The following PARP4 variants were observed in gnomAD, a reference collection of about 807,000 sequenced individuals.
The protein encoded by PARP4 is poly(ADP-ribose) polymerase family member 4.
A neutral mutation model predicts 187.7 loss-of-function variants in PARP4; 120 were observed. That is an observed-to-expected ratio of 0.64 (90% CI 0.55 to 0.74). The LOEUF (loss-of-function observed/expected upper bound fraction) is 0.74, where lower values mean the gene tolerates loss of function less well. Among genes scored for constraint, PARP4 ranks in the 30% least tolerant of loss-of-function variants. The pLI, the probability that PARP4 is intolerant of heterozygous loss-of-function variation, is 0.00. For missense variants in PARP4, 1,836 were observed against 2,070.5 expected, an observed-to-expected ratio of 0.89 and a Z score of 2.20; for synonymous variants, 654 against 740.9, an observed-to-expected ratio of 0.88 and a Z score of 1.90.
chr13:24,430,717 T>A (rs1290571911), intron 32 of PARP4, among the ~76,000 whole-genome samples: 1 of 152,092 alleles, frequency 6.6e-6, no homozygotes, highest in Non-Finnish European at 1.5e-5. Flanking sequence ...AACCACTTGC[T>A]GGGTCAAGGA....
chr13:24,438,299 C>T (rs549700112), intron 30 of PARP4, among the ~76,000 whole-genome samples: 2 of 152,242 alleles, frequency 1.3e-5, no homozygotes, highest in Admixed American at 6.5e-5. Flanking sequence ...ACAACAGGTT[C>T]GGGGCTCCCA....
At position 24,449,751 on chromosome 13, in the gene PARP4, A is replaced by G. The variant is rs745886442; in HGVS notation, c.3081T>C (p.Phe1027=). 2.1e-5 allele frequency: 34 copies of G among 1,608,658 alleles called. No individual in the cohort carries two copies. The highest frequency in any genetic ancestry group is 2.7e-5 in the Non-Finnish European group (32 of 1,175,948). Residue 1027 remains phenylalanine, a synonymous_variant, in exon 25 of 34, where the codon TTT becomes TTC. Coordinates refer to ENST00000381989, the MANE Select transcript of PARP4 (RefSeq NM_006437.4). Reference sequence around the variant, plus strand: ...TCCAACTATGCTTGGATTTTGCATTAAAATATTCAAATACTCCGGCACCAC... The same window carrying G: ...TCCAACTATGCTTGGATTTTGCATTGAAATATTCAAATACTCCGGCACCAC... ...SQCGAGVFEY[F]NAKSKHSWRK...
At chr13:24,453,719 A>C in intron 22 of PARP4, 65 bp from the exon 23 acceptor site, 1 of 863,494 alleles carries the variant, frequency 1.2e-6, no homozygotes, top group Non-Finnish European at 2.0e-6. Context: ...ACTAACAAAC[A>C]ATAATGTTAT....
intron 33 of PARP4, among the ~76,000 whole-genome samples, chr13:24,426,063 TAC>T (rs1870034924): frequency 6.6e-6 from 1 of 152,252 alleles, no homozygotes; most frequent in South Asian, 2.1e-4. Context: ...TGTTATAAAC[TAC>T]AAAGTTATAA....
intron 9 of PARP4, among the ~76,000 whole-genome samples, chr13:24,491,549 T>A (rs190779612): frequency 1.9e-4 from 29 of 152,352 alleles, no homozygotes; most frequent in African/African-American, 6.5e-4. Context: ...TTGAAAGCGA[T>A]TATTTCCCAA....
intron 30 of PARP4, among the ~76,000 whole-genome samples, chr13:24,440,974 G>C (rs890293187): frequency 6.6e-6 from 1 of 152,086 alleles, no homozygotes; most frequent in Non-Finnish European, 1.5e-5. Flanking sequence ...CTAGGTGCAA[G>C]CATCCTCCTG....
intron 17 of PARP4, among the ~76,000 whole-genome samples, chr13:24,463,384 G>C (rs567940437): frequency 6.6e-6 from 1 of 151,770 alleles, no homozygotes; most frequent in African/African-American, 2.4e-5. Flanking sequence ...AGAAAATAAA[G>C]AAAACTCTTC....
Position 24,420,964 on chromosome 13 carries a change from T to C in PARP4, c.*155A>G, listed in dbSNP as rs1381220308. On this transcript the variant is annotated 3_prime_UTR_variant, in exon 34 of 34. Coordinates refer to ENST00000381989, the MANE Select transcript of PARP4 (RefSeq NM_006437.4). Reference sequence around the variant, plus strand: ...GTTTCATTTTATTATTGCTTGTTAGTTGATTAAAGTAATTCTTCTTCCACT... The same window carrying C: ...GTTTCATTTTATTATTGCTTGTTAGCTGATTAAAGTAATTCTTCTTCCACT... The C allele has an allele frequency of 3.3e-6, 3 of 908,796 alleles. No homozygotes were observed. The highest frequency in any genetic ancestry group is 3.5e-5 in the African/African-American group (2 of 57,760). The allele number at this position is 908,796 out of a possible 1,614,324, so 56.3% of individuals were successfully genotyped here.
At chr13:24,497,157 T>G (rs1281640287) in intron 6 of PARP4, among the ~76,000 whole-genome samples, 1 of 152,196 alleles carries the variant, frequency 6.6e-6, no homozygotes, top group Non-Finnish European at 1.5e-5. Context: ...CATGATTGTT[T>G]TAGATTGGAA....
chr13:24,431,529 A>C, intron 31 of PARP4, 53 bp from the exon 32 acceptor site: 2 of 1,177,166 alleles, frequency 1.7e-6, no homozygotes, highest in South Asian at 1.3e-5. Flanking sequence ...TTTATCACAT[A>C]AGAAGTTACG....
At position 24,499,158 on chromosome 13, in the gene PARP4, C is replaced by T. The variant is rs559902036; in HGVS notation, c.477+143G>A. The T allele has an allele frequency of 9.9e-5, 77 of 776,656 alleles. No individual in the cohort carries two copies. The African/African-American group carries it at 1.3e-3, about 13-fold the overall frequency. 48.1% of individuals were successfully genotyped at this position (776,656 alleles called of 1,614,324 possible). A position where few individuals can be genotyped will look rare whatever the true frequency, so the allele number is the denominator to read the frequency against. On this transcript the variant is annotated intron_variant, in intron 5 of 33. Coordinates refer to ENST00000381989, the MANE Select transcript of PARP4 (RefSeq NM_006437.4). ...AATAAATATATAAATAAAATTAACT[C>T]ATATTTTAAGGACTATATGATATTC... is the stretch of plus-strand genomic sequence containing the variant.
At chr13:24,462,347 G>A (rs1291208261) in intron 17 of PARP4, among the ~76,000 whole-genome samples, 1 of 152,120 alleles carries the variant, frequency 6.6e-6, no homozygotes, top group Non-Finnish European at 1.5e-5. Flanking sequence ...AATTTGAGAC[G>A]GAGAGTAATA....
chr13:24,503,713 G>A lies in PARP4; in HGVS notation c.64C>T (p.Gln22Ter). 1.2e-6 allele frequency: 2 copies of A among 1,613,700 alleles called. No homozygotes were observed. Among genetic ancestry groups the A allele is most frequent in the Non-Finnish European group, 1.7e-6 (2 of 1,179,658 alleles). The change falls in exon 2 of 34, where the codon CAG (glutamine) becomes TAG (stop). Residue 22 changes from glutamine (Q) to a stop codon, truncating the protein, a stop_gained. Transcript: ENST00000381989. LOFTEE classifies it high-confidence loss of function. ...CLKVKYLPQQQKKKLQTDIKE... is the reference protein window; with the variant it reads ...CLKVKYLPQQ ...ATGTCAGTTTGTAGCTTTTTCTTCT[G>A]CTGCTGAGGTAAGTACTTCACTTTC...
intron 27 of PARP4, among the ~76,000 whole-genome samples, chr13:24,445,539 C>T (rs1315087064): frequency 6.6e-6 from 1 of 152,206 alleles, no homozygotes; most frequent in Non-Finnish European, 1.5e-5. Context: ...TGGGTCAGCA[C>T]TCATGTGCCA....
At chr13:24,439,702 G>A (rs1313709961) in intron 30 of PARP4, among the ~76,000 whole-genome samples, 1 of 152,144 alleles carries the variant, frequency 6.6e-6, no homozygotes, top group African/African-American at 2.4e-5. Context: ...TATAAGATAA[G>A]TATATATTTT....
chr13:24,449,909 G>A (rs924843339), intron 24 of PARP4, 92 bp from the exon 25 acceptor site: 11 of 696,142 alleles, frequency 1.6e-5, no homozygotes, highest in Admixed American at 1.4e-4. Flanking sequence ...CAACTCAATA[G>A]GAGAGACATG....
rs548070615 is a variant in PARP4, at chr13:24,500,289, C to T, written c.401+27G>A. The T allele has an allele frequency of 3.7e-5, 52 of 1,417,838 alleles. No individual in the cohort carries two copies. In the Admixed American group the frequency reaches 6.9e-4, roughly 19 times the overall value. The allele number at this position is 1,417,838 out of a possible 1,614,324, so 87.8% of individuals were successfully genotyped here. On this transcript the variant is annotated intron_variant, in intron 4 of 33. Transcript: ENST00000381989. ...CAAGATTTTACAAACTCTGTAGAGT[C>T]CCAGGAATCAGAAAGAAGTAAATTA...
intron 30 of PARP4, among the ~76,000 whole-genome samples, chr13:24,437,849 C>CAAAAAAAAAAAAAAAAAAAAAAA (rs1216300092): frequency 8.4e-6 from 1 of 118,362 alleles, no homozygotes; most frequent in Non-Finnish European, 1.7e-5. Context: ...GACTCCATCT[C>CAAAAAAAAAAAAAAAAAAAAAAA]AAAAAAAAAA....
Position 24,477,726 on chromosome 13 carries a change from C to T in PARP4, c.1764G>A (p.Glu588=). Residue 588 remains glutamate (E), a synonymous_variant, in exon 14 of 34, where the codon GAG becomes GAA. Transcript: ENST00000381989. The part of the protein sequence containing the change: ...DHTELEEYRP[E]FSNFSKVEDY... ...CTTCAACCTTTGAAAAATTTGAAAA[C>T]TCAGGTCTGTATTCCTCTAATTCAG... The T allele has an allele frequency of 6.3e-7, 1 of 1,586,574 alleles. No individual in the cohort carries two copies. Among genetic ancestry groups the T allele is most frequent in the Non-Finnish European group, 8.6e-7 (1 of 1,166,308 alleles).
Sources: gnomAD v4.1 joint callset for allele counts (sites outside exome capture counted in the v4.1 genomes callset) on GRCh38, gnomAD v4.1.1 for gene constraint, MANE v1.5 for transcripts, NCBI Gene and HGNC (gene_info 2026-07-23, HGNC 2026-07-21) for gene names.